Variants in CWF19L2 observed in about 807,000 individuals in gnomAD.
CWF19L2 encodes the protein CWF19-like protein 2.
A neutral mutation model predicts 111.7 loss-of-function variants in CWF19L2; 98 were observed. That is an observed-to-expected ratio of 0.88 (90% CI 0.75 to 1.04). The LOEUF is 1.04. CWF19L2 is among the 50% of genes least tolerant of loss of function. The pLI is 0.00. For missense variants in CWF19L2, 1,101 were observed against 1,051.4 expected (o/e 1.05, Z -0.65); for synonymous variants, 351 against 342.9 (o/e 1.02, Z -0.26).
At chr11:107,369,950 C>T (rs1261267356) in intron 12 of CWF19L2, among the ~76,000 whole-genome samples, 1 of 137,688 alleles carries the variant, frequency 7.3e-6, no homozygotes, top group Non-Finnish European at 1.6e-5. Flanking sequence ...ACTCTGTAGC[C>T]CAGGCTGGAG....
intron 15 of CWF19L2, among the ~76,000 whole-genome samples, chr11:107,335,886 A>G (rs1859916004): frequency 6.6e-6 from 1 of 152,178 alleles, no homozygotes; most frequent in Non-Finnish European, 1.5e-5. Flanking sequence ...ACACTGTAAT[A>G]TAGCACATTC....
chr11:107,403,744 GC>G, intron 10 of CWF19L2: 1 of 881,048 alleles, frequency 1.1e-6, no homozygotes, highest in Non-Finnish European at 1.9e-6. Context: ...CCTGCTTTTT[GC>G]CGGTCTGTTC....
rs113872783 is a variant in CWF19L2 at position 107,402,385 on chromosome 11, G to GA, written c.1618-9491dup. Among the ~76,000 whole-genome samples, 901 of 126,606 alleles carry GA rather than the reference G, an allele frequency of 7.1e-3. 6 individuals carry two copies. The highest frequency in any genetic ancestry group is 0.016 in the African/African-American group (540 of 34,272). 83.1% of individuals were successfully genotyped at this position (126,606 alleles called of 152,430 possible). ...ACAACGAACTCAAACAAATCAGTAA[G>GA]AAAAAAAAAAAAACTCATCAAAAAG... On this transcript the variant is annotated intron_variant, in intron 10 of 17. Coordinates refer to ENST00000282251, the MANE Select transcript of CWF19L2 (RefSeq NM_152434.3).
In CWF19L2 at chr11:107,428,983, T is replaced by C. The variant is rs1861421565; in HGVS notation, c.1249A>G (p.Thr417Ala). Residue 417 changes from threonine to alanine, a missense_variant, in exon 8 of 18, where the codon ACA becomes GCA. Thr to Ala is a moderately conservative substitution (Grantham distance 58). Transcript: ENST00000282251. ...KPTKNSEERL[T>A]SWSRSDGRGD... is the part of the protein sequence containing the mutation. The stretch of plus-strand genomic sequence containing the variant: ...CTCCCATCAGAGCGACTCCATGATG[T>C]TAATCTTTCTTCACTGTTCTTGGTG... The C allele has an allele frequency of 6.2e-7, 1 of 1,613,768 alleles. No individual in the cohort carries two copies. The highest frequency in any genetic ancestry group is 8.5e-7 in the Non-Finnish European group (1 of 1,179,808).
Position 107,416,229 on chromosome 11 carries a change from G to T in CWF19L2, c.1597C>A (p.Pro533Thr), listed in dbSNP as rs1284081566. 3 of 1,434,634 alleles carry T rather than the reference G, an allele frequency of 2.1e-6. No homozygotes were observed. Among genetic ancestry groups the T allele is most frequent in the South Asian group, 1.5e-5 (1 of 67,672 alleles). 88.9% of individuals were successfully genotyped at this position (1,434,634 alleles called of 1,614,324 possible). A position where few individuals can be genotyped will look rare whatever the true frequency, so the allele number is the denominator to read the frequency against. Residue 533 changes from proline (P) to threonine (T), a missense_variant, in exon 10 of 18, where the codon CCA becomes ACA. By Grantham distance (38) the Pro-to-Thr change is conservative. Coordinates refer to ENST00000282251, the MANE Select transcript of CWF19L2 (RefSeq NM_152434.3). ...NKFKETITQI[P>T]KKSGVENEDQ... ...CTTACCTCTACCCCAGATTTTTTTG[G>T]TATCTGTGTTATAGTTTCTTTGAAT...
chr11:107,457,731 C>CT lies in CWF19L2; in HGVS notation c.85dup (p.Arg29LysfsTer9). 1 of 1,551,620 alleles carries CT rather than the reference C, an allele frequency of 6.4e-7. No individual in the cohort carries two copies. The highest frequency in any genetic ancestry group is 8.7e-7 in the Non-Finnish European group (1 of 1,146,868). On this transcript the variant is annotated frameshift_variant, in exon 1 of 18. Coordinates refer to ENST00000282251, the MANE Select transcript of CWF19L2 (RefSeq NM_152434.3). LOFTEE classifies it high-confidence loss of function. ...AGGTACCTGGCGCAACACCTCGGCC[C>CT]TGGCATTCCGGGTCTGTTCTTTCCG...
intron 12 of CWF19L2, among the ~76,000 whole-genome samples, chr11:107,373,954 C>T (rs1290381762): frequency 7.4e-6 from 1 of 135,498 alleles, no homozygotes; most frequent in Non-Finnish European, 1.6e-5. Flanking sequence ...AACCAAGGCT[C>T]GAGAACTACG....
At chr11:107,418,387 T>C (rs1006098050) in intron 8 of CWF19L2, 100 bp from the exon 9 acceptor site, 3 of 762,530 alleles carry the variant, frequency 3.9e-6, no homozygotes, top group Admixed American at 1.9e-5. Flanking sequence ...CAACAAAGCA[T>C]TCAGTACCAA....
In CWF19L2 at chr11:107,423,068, T is replaced by A. The variant is rs192937145; in HGVS notation, c.1434-4781A>T. 1.8e-4 allele frequency among the ~76,000 whole-genome samples: 27 copies of A among 152,142 alleles called. No individual in the cohort carries two copies. The East Asian group carries it at 5.2e-3, about 29-fold the overall frequency. On this transcript the variant is annotated intron_variant, in intron 8 of 17. Coordinates refer to ENST00000282251, the MANE Select transcript of CWF19L2 (RefSeq NM_152434.3). ...CACTGCATTCATGTAAGCAGGAGAA[T>A]GTTATTACTTTTTATATGCATCCGT... is the stretch of plus-strand genomic sequence containing the variant.
rs1234795360 is a variant in CWF19L2 at position 107,395,061 on chromosome 11, C to T, written c.1618-2166G>A. Among the ~76,000 whole-genome samples the T allele has an allele frequency of 2.0e-5, 3 of 152,158 alleles. No individual in the cohort carries two copies. The East Asian group carries it at 5.8e-4, about 29-fold the overall frequency. On this transcript the variant is annotated intron_variant, in intron 10 of 17. Coordinates refer to ENST00000282251, the MANE Select transcript of CWF19L2 (RefSeq NM_152434.3). ...TGTATAGAACTGATATGGTTTGCCTCCATGTCCCCACCCAAATCTCATCTT... is the reference window on the plus strand; with the variant it reads ...TGTATAGAACTGATATGGTTTGCCTTCATGTCCCCACCCAAATCTCATCTT...
chr11:107,412,999 C>G (rs1351532519), intron 10 of CWF19L2, among the ~76,000 whole-genome samples: 4 of 152,138 alleles, frequency 2.6e-5, no homozygotes, highest in Non-Finnish European at 5.9e-5. Flanking sequence ...AGGTGGAACA[C>G]AGAGGATTTA....
intron 12 of CWF19L2, among the ~76,000 whole-genome samples, chr11:107,382,075 T>C (rs932448066): frequency 1.3e-5 from 2 of 152,166 alleles, no homozygotes; most frequent in Admixed American, 6.5e-5. Context: ...AAGATGTATA[T>C]AGATCTCTTG....
intron 12 of CWF19L2, among the ~76,000 whole-genome samples, chr11:107,379,465 C>T (rs1860648774): frequency 6.6e-6 from 1 of 152,226 alleles, no homozygotes; most frequent in Admixed American, 6.5e-5. Context: ...GCTGTGAAGC[C>T]ATGTTCAAGA....
intron 5 of CWF19L2, among the ~76,000 whole-genome samples, chr11:107,439,812 C>T (rs1380628778): frequency 6.6e-6 from 1 of 152,146 alleles, no homozygotes; most frequent in Non-Finnish European, 1.5e-5. Flanking sequence ...GCCACGTGAG[C>T]CATTTTGAAC....
chr11:107,402,286 A>ATT (rs1591184575), intron 10 of CWF19L2, among the ~76,000 whole-genome samples: 1 of 152,098 alleles, frequency 6.6e-6, no homozygotes, highest in East Asian at 1.9e-4. Context: ...TCAGCAAAGT[A>ATT]AACAGACAAT....
chr11:107,454,279 A>C (rs1861821156), intron 3 of CWF19L2, among the ~76,000 whole-genome samples, 171 bp downstream of exon 3: 1 of 152,232 alleles, frequency 6.6e-6, no homozygotes, highest in Non-Finnish European at 1.5e-5. Flanking sequence ...ATTCAAGATC[A>C]ACATTTCCAA....
intron 12 of CWF19L2, among the ~76,000 whole-genome samples, chr11:107,353,959 T>C (rs984409093): frequency 6.6e-6 from 1 of 152,234 alleles, no homozygotes; most frequent in Non-Finnish European, 1.5e-5. Context: ...CAATTCTATA[T>C]GACTTGTTCA....
At chr11:107,363,103 C>T (rs1463895743) in intron 12 of CWF19L2, among the ~76,000 whole-genome samples, 5 of 151,754 alleles carry the variant, frequency 3.3e-5, no homozygotes, top group African/African-American at 7.3e-5. Context: ...TGAAATGAAG[C>T]GAGAAGGGAA....
chr11:107,380,852 T>C (rs1036931862), intron 12 of CWF19L2, among the ~76,000 whole-genome samples: 3 of 152,224 alleles, frequency 2.0e-5, no homozygotes, highest in African/African-American at 7.2e-5. Flanking sequence ...TTTTTAAATG[T>C]GTTATATACA....
Sources: allele counts gnomAD v4.1 joint callset (sites outside exome capture counted in the v4.1 genomes callset), GRCh38; gene constraint gnomAD v4.1.1; transcripts MANE v1.5; gene names NCBI Gene and HGNC (gene_info 2026-07-23, HGNC 2026-07-21).